Variants in COX7B2 observed in about 807,000 individuals in gnomAD.
COX7B2 encodes the protein cytochrome c oxidase subunit 7B2, also known as cytochrome c oxidase subunit 7B2, mitochondrial.
For missense variants in COX7B2, 109 were observed against 95.9 expected (o/e 1.14, Z -0.57); for synonymous variants, 37 against 32.1 (o/e 1.15, Z -0.51).
At chr4:46,879,696 T>C (rs1197129407) in intron 1 of COX7B2, among the ~76,000 whole-genome samples, 1 of 151,306 alleles carries the variant, frequency 6.6e-6, no homozygotes, top group Non-Finnish European at 1.5e-5. Context: ...GAATCCTTGA[T>C]GGATTTATCA....
intron 2 of COX7B2, among the ~76,000 whole-genome samples, chr4:46,804,593 A>G (rs890876973): frequency 2.6e-5 from 4 of 152,162 alleles, no homozygotes; most frequent in Non-Finnish European, 5.9e-5. Context: ...GAGTAGCTAG[A>G]TACAGAGTGT....
intron 2 of COX7B2, among the ~76,000 whole-genome samples, chr4:46,764,511 C>T (rs1373262791): frequency 6.6e-6 from 1 of 151,736 alleles, no homozygotes; most frequent in African/African-American, 2.4e-5. Flanking sequence ...CCACTGCACT[C>T]CAGTCTGGGC....
At chr4:46,900,225 G>T (rs1720000112) in intron 1 of COX7B2, among the ~76,000 whole-genome samples, 1 of 152,122 alleles carries the variant, frequency 6.6e-6, no homozygotes, top group Admixed American at 6.6e-5. Flanking sequence ...AAGAGCCAGG[G>T]CTTGGAGACA....
chr4:46,876,880 G>C (rs888287074), intron 1 of COX7B2: 1 of 152,144 alleles, frequency 6.6e-6, no homozygotes, highest in Admixed American at 6.5e-5. Flanking sequence ...TTTCGCTAAA[G>C]GCTAAAGCTA....
At chr4:46,837,578 T>G (rs979158256) in intron 2 of COX7B2, among the ~76,000 whole-genome samples, 2 of 151,994 alleles carry the variant, frequency 1.3e-5, no homozygotes, top group African/African-American at 2.4e-5. Context: ...TAAAAAATGT[T>G]GGAAATGGGT....
At chr4:46,751,556 G>A in intron 2 of COX7B2, among the ~76,000 whole-genome samples, 1 of 151,844 alleles carries the variant, frequency 6.6e-6, no homozygotes, top group Non-Finnish European at 1.5e-5. Flanking sequence ...TGCATTTTTT[G>A]CCCTTGTGGA....
chr4:46,870,742 C>G (rs888376967), intron 1 of COX7B2, among the ~76,000 whole-genome samples: 1 of 151,864 alleles, frequency 6.6e-6, no homozygotes, highest in African/African-American at 2.4e-5. Flanking sequence ...CTCACAACTG[C>G]CACAAAAAGA....
chr4:46,754,590 A>T (rs1166501043), intron 2 of COX7B2, among the ~76,000 whole-genome samples: 4 of 148,892 alleles, frequency 2.7e-5, no homozygotes, highest in Non-Finnish European at 6.0e-5. Flanking sequence ...TACCTAATGC[A>T]AATGACCAGT....
At chr4:46,904,291 C>T (rs1220288611) in intron 1 of COX7B2, among the ~76,000 whole-genome samples, 1 of 152,018 alleles carries the variant, frequency 6.6e-6, no homozygotes, top group Non-Finnish European at 1.5e-5. Flanking sequence ...ATATTTCAAA[C>T]TCACATGATA....
chr4:46,775,425 A>G (rs867687667), intron 2 of COX7B2, among the ~76,000 whole-genome samples: 100 of 152,232 alleles, frequency 6.6e-4, no homozygotes, highest in African/African-American at 2.1e-3. Context: ...CAGAATGCTC[A>G]GTTTTTAGAC....
intron 2 of COX7B2, among the ~76,000 whole-genome samples, chr4:46,836,020 C>A (rs1345402302): frequency 6.6e-6 from 1 of 152,026 alleles, no homozygotes; most frequent in African/African-American, 2.4e-5. Context: ...AAATGGTACA[C>A]CTTTATAGGG....
intron 2 of COX7B2, among the ~76,000 whole-genome samples, chr4:46,749,914 AT>A (rs1715248839): frequency 6.6e-6 from 1 of 152,134 alleles, no homozygotes; most frequent in Admixed American, 6.6e-5. Context: ...CTATTATCTG[AT>A]TCAACTACCA....
intron 2 of COX7B2, among the ~76,000 whole-genome samples, chr4:46,839,033 T>C (rs907181071): frequency 6.6e-6 from 1 of 152,046 alleles, no homozygotes; most frequent in East Asian, 1.9e-4. Flanking sequence ...TATGTTTTAT[T>C]TTAGGAATAT....
At chr4:46,905,071 CAG>C (rs1720294952) in intron 1 of COX7B2, among the ~76,000 whole-genome samples, 1 of 151,774 alleles carries the variant, frequency 6.6e-6, no homozygotes, top group Non-Finnish European at 1.5e-5. Flanking sequence ...ATTCTTACCT[CAG>C]AGAGTTGATA....
intron 1 of COX7B2, among the ~76,000 whole-genome samples, chr4:46,903,596 C>T (rs1432619065): frequency 6.6e-6 from 1 of 152,100 alleles, no homozygotes; most frequent in East Asian, 1.9e-4. Context: ...AACTTTTAGT[C>T]CTGTAGGCTG....
At chr4:46,804,136 G>A (rs1453775483) in intron 2 of COX7B2, among the ~76,000 whole-genome samples, 3 of 152,100 alleles carry the variant, frequency 2.0e-5, no homozygotes, top group African/African-American at 4.8e-5. Context: ...AAGGCGGCGC[G>A]TCTGGAGTTG....
intron 1 of COX7B2, among the ~76,000 whole-genome samples, chr4:46,872,454 G>A (rs1487380142): frequency 2.0e-5 from 3 of 152,014 alleles, no homozygotes; most frequent in African/African-American, 7.2e-5. Flanking sequence ...ACCTTCACAT[G>A]TACCCCTGAA....
intron 2 of COX7B2, among the ~76,000 whole-genome samples, chr4:46,775,807 T>C (rs1036443710): frequency 7.9e-5 from 12 of 152,100 alleles, no homozygotes; most frequent in African/African-American, 2.9e-4. Context: ...GCTTATCGTA[T>C]CGTATAAAGA....
chr4:46,897,645 C>A (rs538023962), intron 1 of COX7B2, among the ~76,000 whole-genome samples: 4 of 152,274 alleles, frequency 2.6e-5, no homozygotes, highest in Admixed American at 2.6e-4. Flanking sequence ...GCTGTCCTAT[C>A]CCCTTCCATA....
Sources: gnomAD v4.1 joint callset for allele counts (sites outside exome capture counted in the v4.1 genomes callset) on GRCh38, gnomAD v4.1.1 for gene constraint, MANE v1.5 for transcripts, NCBI Gene and HGNC (gene_info 2026-07-23, HGNC 2026-07-21) for gene names.